The following TNFAIP8 variants were observed in gnomAD, a reference collection of about 807,000 sequenced individuals.
TNFAIP8 encodes tumor necrosis factor alpha-induced protein 8.
Under a neutral mutation model 13.3 loss-of-function variants are expected in TNFAIP8, and 7 were observed. That is an observed-to-expected ratio of 0.52 (90% CI 0.30 to 0.99). The LOEUF (loss-of-function observed/expected upper bound fraction) is 0.99, where lower values mean the gene tolerates loss of function less well. Ranked by LOEUF, TNFAIP8 falls within the 50% of genes least tolerant of loss-of-function variation. The probability of loss-of-function intolerance (pLI) is 0.07; values close to 1 mark genes in which losing one functional copy is unlikely to be tolerated. For synonymous variants in TNFAIP8, 94 were observed against 87.6 expected, an observed-to-expected ratio of 1.07 and a Z score of -0.41; for missense variants, 258 against 236.9, an observed-to-expected ratio of 1.09 and a Z score of -0.58.
At chr5:119,351,689 A>G (rs187230064), upstream of TNFAIP8, among the ~76,000 whole-genome samples, 1 of 152,350 alleles carries the variant, frequency 6.6e-6, no homozygotes, top group East Asian at 1.9e-4. Flanking sequence ...ATCTTCTGCA[A>G]AAGTGTATAA....
intron 1 of TNFAIP8, among the ~76,000 whole-genome samples, chr5:119,295,537 G>A (rs1257303736): frequency 5.9e-5 from 9 of 152,206 alleles, no homozygotes; most frequent in Admixed American, 1.3e-4. Flanking sequence ...CTGTAGCCTT[G>A]TAGTATAGTT....
intron 1 of TNFAIP8, among the ~76,000 whole-genome samples, chr5:119,368,809 G>A (rs144587359): frequency 2.0e-5 from 3 of 152,220 alleles, no homozygotes; most frequent in African/African-American, 7.2e-5. Context: ...TTAAGTTCTT[G>A]TTCTGGGGCA....
At position 119,397,264 on chromosome 5, in the gene TNFAIP8, A is replaced by G. The variant is rs1459300022; in HGVS notation, c.*3883A>G. 1.3e-5 allele frequency: 2 copies of G among 152,140 alleles called. No individual in the cohort carries two copies. The highest frequency in any genetic ancestry group is 2.9e-5 in the Non-Finnish European group (2 of 68,030). 9.4% of individuals were successfully genotyped at this position (152,140 alleles called of 1,614,324 possible). ...CTTGAGATACTTGATGAGTGTATATAAGCAGTTGCAATTTAGCATACAAAA... is the reference window on the plus strand; with the variant it reads ...CTTGAGATACTTGATGAGTGTATATGAGCAGTTGCAATTTAGCATACAAAA... On this transcript the variant is annotated 3_prime_UTR_variant, in exon 2 of 2. Coordinates refer to ENST00000504771, the MANE Select transcript of TNFAIP8 (RefSeq NM_014350.4).
At chr5:119,391,420 A>T in intron 1 of TNFAIP8, 1 of 702,354 alleles carries the variant, frequency 1.4e-6, no homozygotes, top group South Asian at 1.5e-5. Context: ...CGACTCAGAG[A>T]TTGAGTAGAC....
rs1173525375 is a variant in TNFAIP8 at position 119,298,375 on chromosome 5, G to T, written c.1+29468G>T. ...TCTCCTTCACTTATGAAGCTTAGTT[G>T]GGCTGGATATGAAATTCTGGGTTGA... On this transcript the variant is annotated intron_variant, in intron 1 of 1. Transcript: ENST00000274456. Among the ~76,000 whole-genome samples the T allele has an allele frequency of 3.6e-3, 541 of 151,454 alleles. 2 individuals are homozygous for T. The highest frequency in any genetic ancestry group is 0.011 in the African/African-American group (457 of 41,068).
At chr5:119,329,367 A>G (rs67708265) in intron 1 of TNFAIP8, among the ~76,000 whole-genome samples, 14,698 of 152,272 alleles carry the variant, frequency 0.097, 814 homozygotes, top group African/African-American at 0.16. Flanking sequence ...CCATTTGGGC[A>G]GGCAACGTGA....
At chr5:119,307,173 T>C (rs1208912552) in intron 1 of TNFAIP8, among the ~76,000 whole-genome samples, 2 of 152,242 alleles carry the variant, frequency 1.3e-5, no homozygotes, top group African/African-American at 4.8e-5. Flanking sequence ...ATTCTTTTTC[T>C]TTCGTAGTAT....
rs1753141160 is a variant in TNFAIP8 at position 119,399,199 on chromosome 5, T to A, written c.*5818T>A. 1 of 152,224 alleles carries A rather than the reference T, an allele frequency of 6.6e-6. No individual in the cohort carries two copies. The highest frequency in any genetic ancestry group is 1.5e-5 in the Non-Finnish European group (1 of 68,038). 9.4% of individuals were successfully genotyped at this position (152,224 alleles called of 1,614,324 possible). ...TTTCAAACGCCACGTGTCAGGAATT[T>A]GGCATGCCTTCCTCTGGGAGAGGCA... is the stretch of plus-strand genomic sequence containing the variant. On this transcript the variant is annotated 3_prime_UTR_variant, in exon 2 of 2. Coordinates refer to ENST00000504771, the MANE Select transcript of TNFAIP8 (RefSeq NM_014350.4).
chr5:119,307,726 A>G (rs1749611023), intron 1 of TNFAIP8, among the ~76,000 whole-genome samples: 2 of 152,240 alleles, frequency 1.3e-5, no homozygotes, highest in South Asian at 4.1e-4. Context: ...AACCAATGGT[A>G]TTTTAGAATC....
rs1476043122 is a variant in TNFAIP8 at position 119,398,190 on chromosome 5, C to T, written c.*4809C>T. ...CATGGATGGCTGAGGAAATTCTCCG[C>T]CTTCCCTGACATCAGCTGCATAACT... is the stretch of plus-strand genomic sequence containing the variant. On this transcript the variant is annotated 3_prime_UTR_variant, in exon 2 of 2. Transcript: ENST00000504771. The T allele has an allele frequency of 6.6e-6, 1 of 152,192 alleles. No homozygotes were observed. Among genetic ancestry groups the T allele is most frequent in the African/African-American group, 2.4e-5 (1 of 41,444 alleles). The allele number at this position is 152,192 out of a possible 1,614,324, so 9.4% of individuals were successfully genotyped here. A position where few individuals can be genotyped will look rare whatever the true frequency, so the allele number is the denominator to read the frequency against.
chr5:119,349,715 A>G (rs576144277), intron 1 of TNFAIP8, among the ~76,000 whole-genome samples: 5 of 152,382 alleles, frequency 3.3e-5, no homozygotes, highest in Admixed American at 6.5e-5. Flanking sequence ...TTGAATTTAT[A>G]GCATATTTAA....
At chr5:119,306,650 T>A (rs994533560) in intron 1 of TNFAIP8, 22 of 151,464 alleles carry the variant, frequency 1.5e-4, no homozygotes, top group Non-Finnish European at 2.8e-4. Context: ...TCATTTTTTT[T>A]ATGAAATATG....
chr5:119,357,514 T>C (rs1276512034), intron 1 of TNFAIP8, among the ~76,000 whole-genome samples: 1 of 152,168 alleles, frequency 6.6e-6, no homozygotes, highest in East Asian at 1.9e-4. Flanking sequence ...TCAGGTGTGT[T>C]TTCCCTGTCT....
chr5:119,296,531 T>C (rs1354890569), intron 1 of TNFAIP8, among the ~76,000 whole-genome samples: 2 of 152,230 alleles, frequency 1.3e-5, no homozygotes, highest in African/African-American at 4.8e-5. Context: ...GGTTTGCCAG[T>C]ATTTTATTGA....
At chr5:119,295,588 G>C (rs1749150427) in intron 1 of TNFAIP8, among the ~76,000 whole-genome samples, 2 of 152,058 alleles carry the variant, frequency 1.3e-5, no homozygotes, top group African/African-American at 4.8e-5. Context: ...TGTTCTTTTG[G>C]CTTAGGATTG....
intron 1 of TNFAIP8, among the ~76,000 whole-genome samples, chr5:119,373,379 T>G (rs935248655): frequency 6.6e-5 from 10 of 152,212 alleles, no homozygotes; most frequent in Non-Finnish European, 4.4e-5. Context: ...GAAGCTTGTT[T>G]GGAATTCTAA....
At chr5:119,342,852 A>G (rs909183512) in intron 1 of TNFAIP8, among the ~76,000 whole-genome samples, 29 of 152,150 alleles carry the variant, frequency 1.9e-4, no homozygotes, top group African/African-American at 7.0e-4. Flanking sequence ...GCTCACTCCT[A>G]GGAGACTTGC....
chr5:119,338,210 A>ACACACACACACACC (rs1366073474), intron 1 of TNFAIP8, among the ~76,000 whole-genome samples: 6 of 130,626 alleles, frequency 4.6e-5, no homozygotes, highest in African/African-American at 8.3e-5. Context: ...ACACACACAC[A>ACACACACACACACC]CCTTCTCAGC....
chr5:119,370,229 C>T (rs1361385257), intron 1 of TNFAIP8, among the ~76,000 whole-genome samples: 1 of 152,140 alleles, frequency 6.6e-6, no homozygotes, highest in Non-Finnish European at 1.5e-5. Flanking sequence ...AGTCCAGAAG[C>T]TTATTACTAG....
Sources: gnomAD v4.1 joint callset for allele counts (sites outside exome capture counted in the v4.1 genomes callset) on GRCh38, gnomAD v4.1.1 for gene constraint, MANE v1.5 for transcripts, NCBI Gene and HGNC (gene_info 2026-07-23, HGNC 2026-07-21) for gene names.